The following NSRP1 variants were observed in gnomAD, a reference collection of about 807,000 sequenced individuals.
NSRP1 encodes coiled-coil domain containing 55.
NSRP1 carries 24 observed loss-of-function variants against 54.7 expected under a neutral mutation model. The observed-to-expected ratio is 0.44, with a 90% CI of 0.32 to 0.62. The LOEUF (loss-of-function observed/expected upper bound fraction) is 0.62. NSRP1 is among the 20% of genes least tolerant of loss of function. The pLI is 0.06. For missense variants in NSRP1, 596 were observed against 651.2 expected (o/e 0.92, Z 0.92); for synonymous variants, 210 against 213.8 (o/e 0.98, Z 0.15).
chr17:30,183,893 A>AT (rs1905407709), intron 6 of NSRP1, among the ~76,000 whole-genome samples: 1 of 152,178 alleles, frequency 6.6e-6, no homozygotes. Flanking sequence ...TTCTAGGACT[A>AT]TTTTTATAAT....
chr17:30,161,030 A>C (rs1242505470), intron 2 of NSRP1, among the ~76,000 whole-genome samples: 2 of 152,184 alleles, frequency 1.3e-5, no homozygotes, highest in Non-Finnish European at 2.9e-5. Flanking sequence ...AATTTGTGCC[A>C]TGTTTATACA....
At chr17:30,127,309 T>G (rs1180623189) in intron 2 of NSRP1, among the ~76,000 whole-genome samples, 1 of 152,244 alleles carries the variant, frequency 6.6e-6, no homozygotes, top group Non-Finnish European at 1.5e-5. Context: ...TTCCTTTTAA[T>G]GTCGGCAATT....
rs182089579 is a variant in NSRP1, at chr17:30,149,604, G to A, written c.115-22938G>A. On this transcript the variant is annotated intron_variant, in intron 2 of 6. Transcript: ENST00000247026. ...CCAGCCCTTTGGGAGGCTGAGGCAGGAGGATTGCTTGAGCCCAGGAGTTCA... is the reference window on the plus strand; with the variant it reads ...CCAGCCCTTTGGGAGGCTGAGGCAGAAGGATTGCTTGAGCCCAGGAGTTCA... 2.8e-4 allele frequency among the ~76,000 whole-genome samples: 43 copies of A among 152,216 alleles called. No individual in the cohort carries two copies. The East Asian group carries it at 7.9e-3, about 28-fold the overall frequency.
chr17:30,151,776 T>TC (rs1292727157), intron 2 of NSRP1, among the ~76,000 whole-genome samples: 1 of 133,116 alleles, frequency 7.5e-6, no homozygotes, highest in Non-Finnish European at 1.5e-5. Flanking sequence ...GTCACTTTCT[T>TC]TTTTTTTTTT....
chr17:30,171,382 T>C (rs1904927869), intron 2 of NSRP1, among the ~76,000 whole-genome samples: 1 of 150,148 alleles, frequency 6.7e-6, no homozygotes, highest in Admixed American at 6.7e-5. Flanking sequence ...TTTGGCTCAC[T>C]GCAACATCTG....
At chr17:30,175,667 A>G (rs1346719896) in intron 3 of NSRP1, among the ~76,000 whole-genome samples, 1 of 152,010 alleles carries the variant, frequency 6.6e-6, no homozygotes, top group African/African-American at 2.4e-5. Context: ...CGCCCCCCAA[A>G]GTGTTGGGAT....
At chr17:30,179,867 G>A (rs542082345) in intron 5 of NSRP1, among the ~76,000 whole-genome samples, 43 of 151,960 alleles carry the variant, frequency 2.8e-4, no homozygotes, top group East Asian at 9.7e-4. Flanking sequence ...TTGAGACTGG[G>A]TCTCTGTCAC....
chr17:30,117,147 C>A, intron 1 of NSRP1: 1 of 727,188 alleles, frequency 1.4e-6, no homozygotes, highest in East Asian at 2.6e-5. Flanking sequence ...GTCTGAGGCC[C>A]CTCAGTCTTG....
Position 30,127,699 on chromosome 17 carries a change from C to T in NSRP1, c.114+9526C>T, listed in dbSNP as rs116869784. The stretch of plus-strand genomic sequence containing the variant: ...AAAGTGTCGGGATTATAGGTGTGAA[C>T]TACTGTAACTGGCCTAGTTGTTGCT... On this transcript the variant is annotated intron_variant, in intron 2 of 6. Transcript: ENST00000247026. 5.1e-4 allele frequency among the ~76,000 whole-genome samples: 77 copies of T among 152,258 alleles called. No homozygotes were observed. The East Asian group carries it at 0.015, about 29-fold the overall frequency.
intron 2 of NSRP1, among the ~76,000 whole-genome samples, chr17:30,132,475 G>A (rs942985035): frequency 6.7e-6 from 1 of 150,256 alleles, no homozygotes; most frequent in Non-Finnish European, 1.5e-5. Flanking sequence ...AATCATATGA[G>A]CCCAGGAGGT....
chr17:30,130,561 A>G (rs1460625296), intron 2 of NSRP1, among the ~76,000 whole-genome samples: 3 of 152,296 alleles, frequency 2.0e-5, no homozygotes, highest in South Asian at 4.1e-4. Context: ...GATTGGGTGT[A>G]ATATTTCTAC....
At chr17:30,146,049 G>A (rs967660487) in intron 2 of NSRP1, among the ~76,000 whole-genome samples, 7 of 152,046 alleles carry the variant, frequency 4.6e-5, no homozygotes, top group African/African-American at 9.7e-5. Flanking sequence ...GAGTTCTGCC[G>A]TGTTACTGAT....
intron 2 of NSRP1, among the ~76,000 whole-genome samples, chr17:30,129,452 AAAGT>A (rs932552363): frequency 2.6e-5 from 4 of 151,986 alleles, no homozygotes; most frequent in African/African-American, 4.8e-5. Flanking sequence ...GTGTATTCCC[AAAGT>A]AAGAAGCATT....
At chr17:30,180,124 A>G (rs1324729135) in intron 5 of NSRP1, among the ~76,000 whole-genome samples, 1 of 151,490 alleles carries the variant, frequency 6.6e-6, no homozygotes, top group Admixed American at 6.6e-5. Flanking sequence ...GGTGTGAGCC[A>G]CCATGACCAG....
chr17:30,137,033 A>T (rs2071756691), intron 2 of NSRP1, among the ~76,000 whole-genome samples: 1 of 151,874 alleles, frequency 6.6e-6, no homozygotes, highest in Non-Finnish European at 1.5e-5. Flanking sequence ...TTTAATACTA[A>T]TTTTTTTTCT....
chr17:30,171,399 AG>A (rs1385555190), intron 2 of NSRP1, among the ~76,000 whole-genome samples: 3 of 145,612 alleles, frequency 2.1e-5, no homozygotes, highest in Non-Finnish European at 4.5e-5. Flanking sequence ...TCTGCCTCCC[AG>A]GTGCAAGTGA....
At chr17:30,120,981 A>T (rs1293553900) in intron 2 of NSRP1, among the ~76,000 whole-genome samples, 1 of 152,222 alleles carries the variant, frequency 6.6e-6, no homozygotes, top group Non-Finnish European at 1.5e-5. Flanking sequence ...TTAGATTTAA[A>T]TAGGCAAAAA....
chr17:30,169,802 T>C (rs761433093), intron 2 of NSRP1, among the ~76,000 whole-genome samples: 7 of 152,002 alleles, frequency 4.6e-5, no homozygotes, highest in Non-Finnish European at 8.8e-5. Flanking sequence ...TTAAATTGAT[T>C]TGTCTGTGGT....
intron 5 of NSRP1, 70 bp from the exon 6 acceptor site, chr17:30,180,838 G>T: frequency 1.0e-6 from 1 of 963,696 alleles, no homozygotes; most frequent in East Asian, 2.4e-5. Context: ...GTTATATACT[G>T]TATGTCTGTA....
Sources: gnomAD v4.1 joint callset for allele counts (sites outside exome capture counted in the v4.1 genomes callset) on GRCh38, gnomAD v4.1.1 for gene constraint, MANE v1.5 for transcripts, NCBI Gene and HGNC (gene_info 2026-07-23, HGNC 2026-07-21) for gene names.